The following GRK5 variants were observed in gnomAD, a reference collection of about 807,000 sequenced individuals.
GRK5 encodes G protein-coupled receptor kinase 5, also known as g protein-coupled receptor kinase GRK5.
GRK5 carries 40 observed loss-of-function variants against 78.4 expected under a neutral mutation model. The observed-to-expected ratio is 0.51, with a 90% CI of 0.40 to 0.66. The LOEUF (loss-of-function observed/expected upper bound fraction) is 0.66, where lower values mean the gene tolerates loss of function less well. Among genes scored for constraint, GRK5 ranks in the 30% least tolerant of loss-of-function variants. The probability of loss-of-function intolerance (pLI) is 0.00; values close to 1 mark genes in which losing one functional copy is unlikely to be tolerated. For missense variants in GRK5, 598 were observed against 759.9 expected (o/e 0.79, Z 2.50); for synonymous variants, 289 against 296.8 (o/e 0.97, Z 0.27).
At chr10:119,453,769 G>C (rs77273465) in intron 15 of GRK5, among the ~76,000 whole-genome samples, 3,240 of 152,312 alleles carry the variant, frequency 0.021, 66 homozygotes, top group Non-Finnish European at 0.035. Context: ...CATAAGCCCA[G>C]GGAGAACTGG....
chr10:119,332,398 C>T (rs565782683), intron 2 of GRK5, among the ~76,000 whole-genome samples: 1 of 152,306 alleles, frequency 6.6e-6, no homozygotes, highest in South Asian at 2.1e-4. Flanking sequence ...TGAGCCACTG[C>T]ACCCGGCCAG....
intron 1 of GRK5, among the ~76,000 whole-genome samples, chr10:119,213,333 A>C (rs192146534): frequency 6.6e-6 from 1 of 152,264 alleles, no homozygotes; most frequent in East Asian, 1.9e-4. Context: ...CAACATGGTG[A>C]AATCCTGTCT....
intron 1 of GRK5, among the ~76,000 whole-genome samples, chr10:119,280,971 G>C (rs1446712556): frequency 6.6e-6 from 1 of 151,820 alleles, no homozygotes; most frequent in Non-Finnish European, 1.5e-5. Context: ...GTAGAGACGG[G>C]GTTTCATCAT....
At chr10:119,424,552 C>G (rs575004211) in intron 5 of GRK5, among the ~76,000 whole-genome samples, 1 of 148,658 alleles carries the variant, frequency 6.7e-6, no homozygotes, top group Non-Finnish European at 1.5e-5. Context: ...CCCCACCCTT[C>G]CCCCAACCAC....
rs1853306474 is a variant in GRK5, at chr10:119,452,462, G to A, written c.1405-209G>A. On this transcript the variant is annotated intron_variant, in intron 13 of 15. Transcript: ENST00000392870. This position sits in a 1 kb window ranked among gnomAD's most constrained non-coding sequence, Gnocchi z 4.4. ...AAACCACAGGCCATCATCTGAGGTG[G>A]ACAGGAAGCCCAGCCAAGCCACTGG... is the stretch of plus-strand genomic sequence containing the variant. 1 of 563,316 alleles carries A rather than the reference G, an allele frequency of 1.8e-6. No individual in the cohort carries two copies. Among genetic ancestry groups the A allele is most frequent in the East Asian group, 2.9e-5 (1 of 34,288 alleles). The allele number at this position is 563,316 out of a possible 1,614,324, so 34.9% of individuals were successfully genotyped here. A position where few individuals can be genotyped will look rare whatever the true frequency, so the allele number is the denominator to read the frequency against.
chr10:119,288,623 C>T (rs545305756), intron 1 of GRK5, among the ~76,000 whole-genome samples: 4 of 152,322 alleles, frequency 2.6e-5, no homozygotes, highest in African/African-American at 9.6e-5. Context: ...ATGGTGGGCT[C>T]TTGGCTGGCT....
intron 1 of GRK5, among the ~76,000 whole-genome samples, chr10:119,307,838 A>T (rs917678655): frequency 3.3e-5 from 5 of 152,138 alleles, no homozygotes; most frequent in Non-Finnish European, 7.3e-5. Context: ...CATCTTGCCA[A>T]CAGAGCCCTC....
chr10:119,330,551 C>T (rs552054084), intron 2 of GRK5, among the ~76,000 whole-genome samples: 21 of 152,260 alleles, frequency 1.4e-4, no homozygotes, highest in Non-Finnish European at 2.4e-4. Flanking sequence ...AGGGAGGATG[C>T]GGACATTCAG....
intron 12 of GRK5, 123 bp downstream of exon 12, chr10:119,443,875 G>A: frequency 1.2e-6 from 1 of 823,046 alleles, no homozygotes; most frequent in Non-Finnish European, 1.9e-6. Flanking sequence ...TGGGGGTGGG[G>A]GTTGCAGCCC....
intron 1 of GRK5, among the ~76,000 whole-genome samples, chr10:119,215,458 T>G (rs1589683217): frequency 3.4e-5 from 4 of 119,090 alleles, no homozygotes; most frequent in African/African-American, 6.6e-5. Flanking sequence ...GAAGGAGAGA[T>G]GAGAGGGGGA....
At position 119,326,388 on chromosome 10, in the gene GRK5, T is replaced by G. The variant is rs1850679856; in HGVS notation, c.53-128T>G. 1.3e-5 allele frequency: 9 copies of G among 688,268 alleles called. 1 individual carries two copies. Among genetic ancestry groups the G allele is most frequent in the South Asian group, 6.6e-5 (4 of 60,448 alleles). 42.6% of individuals were successfully genotyped at this position (688,268 alleles called of 1,614,324 possible). On this transcript the variant is annotated intron_variant, in intron 1 of 15. Coordinates refer to ENST00000392870, the MANE Select transcript of GRK5 (RefSeq NM_005308.3). ...GTTTGTGTGTGTCTTGGGCTGGGGG[T>G]GTGTCACTGGCTTGGCCTACAGCCC...
chr10:119,225,321 A>C (rs1211199187), intron 1 of GRK5, among the ~76,000 whole-genome samples: 1 of 152,232 alleles, frequency 6.6e-6, no homozygotes, highest in Non-Finnish European at 1.5e-5. Flanking sequence ...GGCCAAAGAA[A>C]ACAGTAAGTA....
chr10:119,420,135 C>T (rs1236067267), intron 4 of GRK5, among the ~76,000 whole-genome samples: 1 of 152,114 alleles, frequency 6.6e-6, no homozygotes, highest in Admixed American at 6.5e-5. Flanking sequence ...CCTCGGTTTC[C>T]TCATCTGCAA....
At chr10:119,329,614 C>T (rs1564893391) in intron 2 of GRK5, among the ~76,000 whole-genome samples, 1 of 152,082 alleles carries the variant, frequency 6.6e-6, no homozygotes, top group East Asian at 1.9e-4. Context: ...CCTGTAATCC[C>T]AGCTACTCGG....
intron 6 of GRK5, among the ~76,000 whole-genome samples, chr10:119,429,113 G>A (rs73443099): frequency 3.5e-4 from 53 of 152,250 alleles, no homozygotes; most frequent in Non-Finnish European, 5.4e-4. Context: ...CGGGATACCC[G>A]CAGAGGGGCA....
chr10:119,302,252 C>G (rs1402492998), intron 1 of GRK5, among the ~76,000 whole-genome samples: 1 of 152,210 alleles, frequency 6.6e-6, no homozygotes, highest in African/African-American at 2.4e-5. Flanking sequence ...ACAGTGGTAG[C>G]TTGTTAGCAG....
intron 1 of GRK5, among the ~76,000 whole-genome samples, chr10:119,231,319 C>A (rs1388788420): frequency 6.6e-6 from 1 of 151,988 alleles, no homozygotes; most frequent in African/African-American, 2.4e-5. Context: ...ACTCATGTAA[C>A]CAAATACTGC....
At chr10:119,333,626 C>T in intron 2 of GRK5, 1 of 392,080 alleles carries the variant, frequency 2.6e-6, no homozygotes, top group Admixed American at 2.9e-5. Context: ...GGGCCCCAGC[C>T]AGTACTCAAG....
At chr10:119,248,866 A>G (rs1386829128) in intron 1 of GRK5, among the ~76,000 whole-genome samples, 2 of 152,154 alleles carry the variant, frequency 1.3e-5, no homozygotes, top group South Asian at 2.1e-4. Context: ...CAGAGACCAT[A>G]TGGCCCACCT....
Sources: allele counts gnomAD v4.1 joint callset (sites outside exome capture counted in the v4.1 genomes callset), GRCh38; gene constraint gnomAD v4.1.1; non-coding constraint Gnocchi (gnomAD v3.1); transcripts MANE v1.5; gene names NCBI Gene and HGNC (gene_info 2026-07-23, HGNC 2026-07-21).